SGTB: variants seen among roughly 807,000 people sequenced by gnomAD.
SGTB encodes the protein small glutamine-rich tetratricopeptide repeat-containing protein beta.
In SGTB, 19 loss-of-function variants were observed where a neutral mutation model predicts 43.9. The observed-to-expected ratio is 0.43, with a 90% confidence interval of 0.30 to 0.63. The LOEUF (loss-of-function observed/expected upper bound fraction) is 0.63, where lower values mean the gene tolerates loss of function less well. Ranked by LOEUF, SGTB falls within the 30% of genes least tolerant of loss-of-function variation. The pLI is 0.12. For synonymous variants in SGTB, 116 were observed against 117.3 expected (o/e 0.99, Z 0.07); for missense variants, 304 against 358.9 (o/e 0.85, Z 1.24).
At chr5:65,692,631 C>A (rs961922671) in intron 5 of SGTB, among the ~76,000 whole-genome samples, 1 of 152,028 alleles carries the variant, frequency 6.6e-6, no homozygotes, top group African/African-American at 2.4e-5. Flanking sequence ...GTCAGGGATA[C>A]TTTTTAGATT....
At chr5:65,688,515 A>G (rs1001047632) in intron 5 of SGTB, among the ~76,000 whole-genome samples, 1 of 152,204 alleles carries the variant, frequency 6.6e-6, no homozygotes, top group African/African-American at 2.4e-5. Context: ...AAAATTTTGA[A>G]AAGGGAATTC....
chr5:65,684,589 G>A (rs1404459176), intron 6 of SGTB, among the ~76,000 whole-genome samples: 6 of 152,110 alleles, frequency 3.9e-5, no homozygotes, highest in African/African-American at 1.4e-4. Context: ...GTCTCAATCT[G>A]TCACCCAGAC....
chr5:65,689,873 T>G (rs1043308172), intron 5 of SGTB, among the ~76,000 whole-genome samples: 12 of 151,220 alleles, frequency 7.9e-5, no homozygotes, highest in Admixed American at 6.6e-4. Context: ...TTAATATTTA[T>G]TTAAAAATAA....
At chr5:65,677,650 C>T (rs76027672) in intron 8 of SGTB, among the ~76,000 whole-genome samples, 4 of 152,046 alleles carry the variant, frequency 2.6e-5, no homozygotes, top group South Asian at 2.1e-4. Context: ...ATCACAATCA[C>T]GGAGGCTTCA....
chr5:65,687,946 T>G (rs1221337009), intron 5 of SGTB, among the ~76,000 whole-genome samples: 1 of 152,080 alleles, frequency 6.6e-6, no homozygotes, highest in Non-Finnish European at 1.5e-5. Flanking sequence ...TTTTCGTATT[T>G]TTAGTAGAGA....
At chr5:65,700,242 C>T (rs571756526) in intron 5 of SGTB, among the ~76,000 whole-genome samples, 4 of 152,178 alleles carry the variant, frequency 2.6e-5, no homozygotes, top group South Asian at 4.1e-4. Context: ...TAAACTGGAA[C>T]AAGTTTCAAG....
At chr5:65,722,509 G>GCCTCT (rs1758337776), upstream of SGTB, 9 of 1,172,308 alleles carry the variant, frequency 7.7e-6, no homozygotes, top group Admixed American at 6.5e-5. Context: ...TCCCGACCGC[G>GCCTCT]CCTCTCCGAC....
intron 2 of SGTB, among the ~76,000 whole-genome samples, chr5:65,720,299 C>A (rs1169941631): frequency 1.3e-5 from 2 of 152,028 alleles, no homozygotes; most frequent in African/African-American, 4.8e-5. Flanking sequence ...CCAGCCTGGT[C>A]TTGAACTCCT....
At chr5:65,687,670 TG>T (rs1201822012) in intron 5 of SGTB, among the ~76,000 whole-genome samples, 7 of 152,208 alleles carry the variant, frequency 4.6e-5, no homozygotes, top group African/African-American at 1.7e-4. Context: ...CTATTCTGCC[TG>T]GTTGCTTGAA....
rs1443798919 is a variant in SGTB, at chr5:65,666,939, G to GTAT, written c.*3304_*3306dup. 2 of 152,148 alleles carry GTAT rather than the reference G, an allele frequency of 1.3e-5. No individual in the cohort carries two copies. Among genetic ancestry groups the GTAT allele is most frequent in the African/African-American group, 4.8e-5 (2 of 41,432 alleles). The allele number at this position is 152,148 out of a possible 1,614,324, so 9.4% of individuals were successfully genotyped here. On this transcript the variant is annotated 3_prime_UTR_variant, in exon 11 of 11. Coordinates refer to ENST00000381007, the MANE Select transcript of SGTB (RefSeq NM_019072.3). ...CTGGTCAAATAAAATGAGTTGGGAA[G>GTAT]TATTTCCTCCTCTTCTGTTTCCTGG...
intron 2 of SGTB, among the ~76,000 whole-genome samples, chr5:65,715,876 T>C (rs1758137311): frequency 6.6e-6 from 1 of 152,190 alleles, no homozygotes; most frequent in Non-Finnish European, 1.5e-5. Flanking sequence ...TTTAAGCTAT[T>C]CTCCTGCCTC....
At chr5:65,706,456 C>T (rs769868354) in intron 4 of SGTB, among the ~76,000 whole-genome samples, 2 of 152,002 alleles carry the variant, frequency 1.3e-5, no homozygotes, top group Admixed American at 1.3e-4. Context: ...TGTATATATA[C>T]ATACCACAAA....
At position 65,669,164 on chromosome 5, in the gene SGTB, A is replaced by T. The variant is rs1022094063; in HGVS notation, c.*1082T>A. The T allele has an allele frequency of 1.3e-5, 2 of 152,096 alleles. No homozygotes were observed. Among genetic ancestry groups the T allele is most frequent in the Non-Finnish European group, 2.9e-5 (2 of 68,032 alleles). 9.4% of individuals were successfully genotyped at this position (152,096 alleles called of 1,614,324 possible). A position where few individuals can be genotyped will look rare whatever the true frequency, so the allele number is the denominator to read the frequency against. Reference sequence around the variant, plus strand: ...TATATTTAAATTGCATCAAATTTAAATTATGTTAATTATAAGACTGGCATG... The same window carrying T: ...TATATTTAAATTGCATCAAATTTAATTTATGTTAATTATAAGACTGGCATG... On this transcript the variant is annotated 3_prime_UTR_variant, in exon 11 of 11. Transcript: ENST00000381007.
Position 65,695,828 on chromosome 5 carries a change from TTG to T in SGTB, c.374+8449_374+8450del, listed in dbSNP as rs370653116. Among the ~76,000 whole-genome samples, 71 of 152,346 alleles carry T rather than the reference TTG, an allele frequency of 4.7e-4. 1 individual carries two copies. In the East Asian group the frequency reaches 0.013, roughly 28 times the overall value. The stretch of plus-strand genomic sequence containing the variant: ...CAAGTCTAGGACTATGCTGGGGACT[TTG>T]TACATATTATCACTCCTTACAACTA... On this transcript the variant is annotated intron_variant, in intron 5 of 10. Coordinates refer to ENST00000381007, the MANE Select transcript of SGTB (RefSeq NM_019072.3).
At chr5:65,722,342 G>A, upstream of SGTB, 1 of 1,533,432 alleles carries the variant, frequency 6.5e-7, no homozygotes, top group African/African-American at 1.4e-5. Context: ...GAAGGACCAC[G>A]CGCCCGCCGC....
intron 10 of SGTB, among the ~76,000 whole-genome samples, 176 bp downstream of exon 10, chr5:65,671,739 G>C (rs532216091): frequency 6.6e-6 from 1 of 152,256 alleles, no homozygotes; most frequent in South Asian, 2.1e-4. Context: ...CTGCCCTGCA[G>C]TCTAAAAAGT....
chr5:65,690,741 A>G (rs757054752), intron 5 of SGTB, among the ~76,000 whole-genome samples: 4 of 152,224 alleles, frequency 2.6e-5, no homozygotes, highest in Non-Finnish European at 5.9e-5. Flanking sequence ...TTAAACCTAC[A>G]TTAGAAGTCT....
intron 8 of SGTB, among the ~76,000 whole-genome samples, chr5:65,676,474 C>T (rs1757266954): frequency 6.6e-6 from 1 of 152,162 alleles, no homozygotes; most frequent in Non-Finnish European, 1.5e-5. Flanking sequence ...TAGACTCCCA[C>T]ACAATAATAG....
intron 5 of SGTB, among the ~76,000 whole-genome samples, chr5:65,690,332 G>A (rs775127396): frequency 3.6e-4 from 54 of 151,930 alleles, no homozygotes; most frequent in Non-Finnish European, 5.4e-4. Context: ...TCAGCTACTC[G>A]GGAGGCTGAG....
Sources: allele counts gnomAD v4.1 joint callset (sites outside exome capture counted in the v4.1 genomes callset), GRCh38; gene constraint gnomAD v4.1.1; transcripts MANE v1.5; gene names NCBI Gene and HGNC (gene_info 2026-07-23, HGNC 2026-07-21).